The following ARHGAP21 variants were observed in gnomAD, a reference collection of about 807,000 sequenced individuals.
ARHGAP21 encodes rho GTPase-activating protein 21.
A neutral mutation model predicts 164.6 loss-of-function variants in ARHGAP21; 38 were observed. That is an observed-to-expected ratio of 0.23 (90% CI 0.18 to 0.30). The LOEUF is 0.30. Among genes scored for constraint, ARHGAP21 ranks in the 10% least tolerant of loss-of-function variants. The pLI, the probability that ARHGAP21 is intolerant of heterozygous loss-of-function variation, is 1.00. For synonymous variants in ARHGAP21, 766 were observed against 857.9 expected, an observed-to-expected ratio of 0.89 and a Z score of 1.87; for missense variants, 1,822 against 2,370.7, an observed-to-expected ratio of 0.77 and a Z score of 4.81.
chr10:24,593,519 C>T (rs2076431559), intron 21 of ARHGAP21, among the ~76,000 whole-genome samples: 2 of 152,018 alleles, frequency 1.3e-5, no homozygotes, highest in Admixed American at 1.3e-4. Context: ...TAAACAGTTT[C>T]AGCTGGTTCC....
intron 4 of ARHGAP21, among the ~76,000 whole-genome samples, chr10:24,640,566 C>T (rs929996922): frequency 2.6e-5 from 4 of 151,986 alleles, no homozygotes; most frequent in Non-Finnish European, 4.4e-5. Flanking sequence ...GAAGTATACC[C>T]TCCAGAAAGG....
chr10:24,619,730 T>G lies in ARHGAP21; in HGVS notation c.2165A>C (p.Glu722Ala). Residue 722 changes from glutamate to alanine, a missense_variant, in exon 9 of 26, where the codon GAA becomes GCA. Coordinates refer to ENST00000396432, the MANE Select transcript of ARHGAP21 (RefSeq NM_020824.4). ...RNQDLSLQEA[E>A]TEQSDTLDNK... ...ATCTAAAGTATCTGATTGCTCAGTT[T>G]CAGCCTCTTGTAAACTTAAATCTTG... 1 of 1,614,208 alleles carries G rather than the reference T, an allele frequency of 6.2e-7. No homozygotes were observed. Among genetic ancestry groups the G allele is most frequent in the African/African-American group, 1.3e-5 (1 of 75,052 alleles).
At chr10:24,590,322 C>G in intron 24 of ARHGAP21, 1 of 1,535,136 alleles carries the variant, frequency 6.5e-7, no homozygotes. Flanking sequence ...CACCACAGAT[C>G]AACTATGTTT....
chr10:24,642,133 T>C (rs182974482), intron 4 of ARHGAP21, among the ~76,000 whole-genome samples: 4 of 152,164 alleles, frequency 2.6e-5, no homozygotes, highest in African/African-American at 9.7e-5. Context: ...CCACCCACTT[T>C]AAAACATTTT....
At chr10:24,602,563 CTG>C (rs2076857820) in intron 12 of ARHGAP21, among the ~76,000 whole-genome samples, 1 of 152,154 alleles carries the variant, frequency 6.6e-6, no homozygotes, top group Admixed American at 6.5e-5. Flanking sequence ...CAGCTACTGA[CTG>C]TATATCATCA....
intron 2 of ARHGAP21, among the ~76,000 whole-genome samples, chr10:24,681,848 C>T (rs986627148): frequency 3.3e-5 from 5 of 152,130 alleles, no homozygotes; most frequent in Admixed American, 6.6e-5. Flanking sequence ...ATGGTATGAC[C>T]GTCACCTGGC....
rs139099690 is a variant in ARHGAP21, at chr10:24,658,571, C to T, written c.268+8414G>A. Among the ~76,000 whole-genome samples, 46 of 152,204 alleles carry T rather than the reference C, an allele frequency of 3.0e-4. No individual in the cohort carries two copies. The East Asian group carries it at 7.3e-3, about 24-fold the overall frequency. On this transcript the variant is annotated intron_variant, in intron 4 of 25. Transcript: ENST00000396432. Reference sequence around the variant, plus strand: ...AGAAACCATCATCTGAGCAAACTATCGCAAGGATAGAAAACCAAACACTGC... The same window carrying T: ...AGAAACCATCATCTGAGCAAACTATTGCAAGGATAGAAAACCAAACACTGC...
intron 4 of ARHGAP21, among the ~76,000 whole-genome samples, chr10:24,664,564 A>AAAAAAC (rs1554995011): frequency 1.3e-5 from 2 of 149,106 alleles, no homozygotes; most frequent in Non-Finnish European, 3.0e-5. Context: ...CAAAAAAAAA[A>AAAAAAC]AATAATAATA....
At chr10:24,672,603 T>G (rs1840821269) in intron 2 of ARHGAP21, among the ~76,000 whole-genome samples, 1 of 152,244 alleles carries the variant, frequency 6.6e-6, no homozygotes, top group Admixed American at 6.5e-5. Flanking sequence ...AAGATTTTGT[T>G]TTAAATTACA....
At chr10:24,717,934 C>T (rs150772021) in intron 2 of ARHGAP21, among the ~76,000 whole-genome samples, 1 of 152,242 alleles carries the variant, frequency 6.6e-6, no homozygotes, top group Non-Finnish European at 1.5e-5. Flanking sequence ...CACCATGTTG[C>T]TCAGGCTGGT....
chr10:24,655,545 C>T (rs1031579963), intron 4 of ARHGAP21, among the ~76,000 whole-genome samples: 8 of 152,200 alleles, frequency 5.3e-5, no homozygotes, highest in South Asian at 2.1e-4. Context: ...GCTGGAGGAG[C>T]GGACGGGCCC....
At chr10:24,625,580 T>C (rs960982556) in intron 7 of ARHGAP21, among the ~76,000 whole-genome samples, 20 of 152,172 alleles carry the variant, frequency 1.3e-4, no homozygotes, top group Admixed American at 3.9e-4. Context: ...TATTTAAAAA[T>C]AGATTTTAAA....
intron 4 of ARHGAP21, among the ~76,000 whole-genome samples, chr10:24,638,509 A>G (rs996765878): frequency 6.6e-6 from 1 of 152,204 alleles, no homozygotes; most frequent in Non-Finnish European, 1.5e-5. Context: ...GCAGAACTAA[A>G]AGCCTGATCC....
At chr10:24,623,077 C>T (rs1834739315) in intron 7 of ARHGAP21, among the ~76,000 whole-genome samples, 1 of 152,104 alleles carries the variant, frequency 6.6e-6, no homozygotes. Context: ...TGCTACAAAG[C>T]TTCCCTCCAC....
At chr10:24,643,133 CTG>C (rs2131458138) in intron 4 of ARHGAP21, among the ~76,000 whole-genome samples, 1 of 152,290 alleles carries the variant, frequency 6.6e-6, no homozygotes, top group East Asian at 1.9e-4. Flanking sequence ...GCAAGAAAGA[CTG>C]TGGATGGGTG....
rs567238229 is a variant in ARHGAP21, at chr10:24,585,882, C to T, written c.4407G>A (p.Gln1469=). The change falls in exon 26 of 26, where the codon CAG becomes CAA. Residue 1469 remains glutamine, a synonymous_variant. Coordinates refer to ENST00000396432, the MANE Select transcript of ARHGAP21 (RefSeq NM_020824.4). ...KKESETLGRK[Q]KIIIAKENST... ...TGTTTTCTTTGGCAATGATGATCTT[C>T]TGTTTTCTGCCCAGTGTCTCACTTT... The T allele has an allele frequency of 2.5e-5, 41 of 1,614,046 alleles. 1 individual carries two copies. The East Asian group carries it at 8.5e-4, about 33-fold the overall frequency.
intron 4 of ARHGAP21, among the ~76,000 whole-genome samples, chr10:24,645,568 A>C (rs1353653365): frequency 6.7e-6 from 1 of 149,212 alleles, no homozygotes; most frequent in Non-Finnish European, 1.5e-5. Flanking sequence ...TGAGCAATAG[A>C]GTGAGGCTCT....
At chr10:24,591,764 G>C in intron 22 of ARHGAP21, 81 bp from the exon 23 acceptor site, 1 of 1,597,052 alleles carries the variant, frequency 6.3e-7, no homozygotes, top group Non-Finnish European at 8.6e-7. Flanking sequence ...ATAGAAAAAG[G>C]GTAATTTTCT....
At chr10:24,717,529 A>T (rs1230418994) in intron 2 of ARHGAP21, among the ~76,000 whole-genome samples, 1 of 152,152 alleles carries the variant, frequency 6.6e-6, no homozygotes, top group Non-Finnish European at 1.5e-5. Flanking sequence ...ATTGAAGAAA[A>T]GACCAGTATG....
Sources: allele counts gnomAD v4.1 joint callset (sites outside exome capture counted in the v4.1 genomes callset), GRCh38; gene constraint gnomAD v4.1.1; transcripts MANE v1.5; gene names NCBI Gene and HGNC (gene_info 2026-07-23, HGNC 2026-07-21).